Variants in SPTLC2 observed in about 807,000 individuals in gnomAD.
SPTLC2 encodes serine palmitoyltransferase 2.
A neutral mutation model predicts 62.0 loss-of-function variants in SPTLC2; 21 were observed. That is an observed-to-expected ratio of 0.34 (90% CI 0.24 to 0.49). The LOEUF (loss-of-function observed/expected upper bound fraction) is 0.49, where lower values mean the gene tolerates loss of function less well. Among genes scored for constraint, SPTLC2 ranks in the 20% least tolerant of loss-of-function variants. The pLI is 0.99. For missense variants in SPTLC2, 511 were observed against 713.0 expected (o/e 0.72, Z 3.23); for synonymous variants, 261 against 261.8 (o/e 1.00, Z 0.03).
At chr14:77,607,169 T>C (rs866111073) in intron 1 of SPTLC2, among the ~76,000 whole-genome samples, 22 of 152,238 alleles carry the variant, frequency 1.4e-4, no homozygotes, top group African/African-American at 5.1e-4. Flanking sequence ...TTATATTTAA[T>C]ATGTAAGACG....
At chr14:77,565,125 C>G (rs1490430870) in intron 5 of SPTLC2, among the ~76,000 whole-genome samples, 3 of 151,068 alleles carry the variant, frequency 2.0e-5, no homozygotes, top group Admixed American at 2.0e-4. Context: ...GCCTGTAATC[C>G]CAGCTACTCA....
At chr14:77,598,169 A>G (rs970857700) in intron 1 of SPTLC2, among the ~76,000 whole-genome samples, 1 of 151,926 alleles carries the variant, frequency 6.6e-6, no homozygotes, top group Non-Finnish European at 1.5e-5. Context: ...CAAATCTAAC[A>G]CTAAGAGATA....
intron 2 of SPTLC2, among the ~76,000 whole-genome samples, chr14:77,596,411 A>G (rs1168313418): frequency 2.7e-5 from 4 of 148,820 alleles, no homozygotes; most frequent in African/African-American, 9.9e-5. Context: ...GCTGAGGCAG[A>G]AGAATGGTGT....
chr14:77,616,017 C>G (rs1054899749), intron 1 of SPTLC2, among the ~76,000 whole-genome samples: 1 of 152,168 alleles, frequency 6.6e-6, no homozygotes, highest in Non-Finnish European at 1.5e-5. Flanking sequence ...TTCTTAAGGA[C>G]CCCATGGGTG....
intron 8 of SPTLC2, 127 bp from the exon 9 acceptor site, chr14:77,552,349 G>T: frequency 8.7e-7 from 1 of 1,151,092 alleles, no homozygotes; most frequent in Non-Finnish European, 1.3e-6. Context: ...ACTAATCTGA[G>T]ATACAAGGTC....
At chr14:77,611,564 G>T (rs1365326574) in intron 1 of SPTLC2, among the ~76,000 whole-genome samples, 1 of 151,970 alleles carries the variant, frequency 6.6e-6, no homozygotes, top group Non-Finnish European at 1.5e-5. Context: ...GGTGGCTCAC[G>T]CCTGTAATCC....
At chr14:77,523,102 T>C (rs1594969380) in intron 9 of SPTLC2, among the ~76,000 whole-genome samples, 3 of 152,152 alleles carry the variant, frequency 2.0e-5, no homozygotes, top group Non-Finnish European at 4.4e-5. Flanking sequence ...GACATTAAAG[T>C]GTGTTATATT....
At chr14:77,536,644 G>A (rs2079472624) in intron 9 of SPTLC2, among the ~76,000 whole-genome samples, 1 of 152,080 alleles carries the variant, frequency 6.6e-6, no homozygotes, top group Admixed American at 6.6e-5. Context: ...TTTTGTGGGA[G>A]GTGGGTCAAG....
chr14:77,517,914 C>T (rs1278193503), intron 11 of SPTLC2, 124 bp downstream of exon 11: 7 of 1,478,022 alleles, frequency 4.7e-6, no homozygotes, highest in South Asian at 4.7e-5. Context: ...TTTGGTAGCA[C>T]TGTCACCCCC....
intron 9 of SPTLC2, among the ~76,000 whole-genome samples, chr14:77,530,867 G>A (rs1196543827): frequency 1.3e-5 from 2 of 152,150 alleles, no homozygotes; most frequent in South Asian, 2.1e-4. Flanking sequence ...AGTATTTAAC[G>A]TAGGAATTTA....
Position 77,547,169 on chromosome 14 carries a change from C to G in SPTLC2, c.1303+4927G>C, listed in dbSNP as rs542807275. 7.1e-4 allele frequency among the ~76,000 whole-genome samples: 77 copies of G among 108,472 alleles called. No individual in the cohort carries two copies. The South Asian group carries it at 0.027, about 38-fold the overall frequency. 71.2% of individuals were successfully genotyped at this position (108,472 alleles called of 152,430 possible). On this transcript the variant is annotated intron_variant, in intron 9 of 11. Transcript: ENST00000216484. ...TGTGAGCCATCGCACCCGGCGGAAA[C>G]AAGTATTTTTTTTTTTTTTTCCAAA...
intron 10 of SPTLC2, among the ~76,000 whole-genome samples, chr14:77,518,759 G>C (rs191982522): frequency 8.5e-5 from 13 of 152,254 alleles, no homozygotes; most frequent in Non-Finnish European, 1.3e-4. Flanking sequence ...GCTGTAACAC[G>C]GCACATCTTT....
intron 4 of SPTLC2, among the ~76,000 whole-genome samples, chr14:77,572,843 C>T (rs1426395545): frequency 1.3e-5 from 2 of 152,202 alleles, no homozygotes; most frequent in Admixed American, 6.5e-5. Context: ...AGCTTCCTTA[C>T]CTCTTTCAGC....
chr14:77,521,450 T>C lies in SPTLC2; in HGVS notation c.1435A>G (p.Ile479Val). ...GTGATCTGCAACAAAACGTACCCAATTTTGGCAGGCATGTAGAGCATCAAA... is the reference window on the plus strand; with the variant it reads ...GTGATCTGCAACAAAACGTACCCAACTTTGGCAGGCATGTAGAGCATCAAA... Reference protein sequence around the residue: ...VPLMLYMPAKIGAFGREMLKR... With the variant: ...VPLMLYMPAKVGAFGREMLKR... The change falls in exon 10 of 12, where the codon ATT becomes GTT. Residue 479 changes from isoleucine to valine, a missense_variant. Transcript: ENST00000216484. 1 of 1,614,118 alleles carries C rather than the reference T, an allele frequency of 6.2e-7. No individual in the cohort carries two copies. The highest frequency in any genetic ancestry group is 8.5e-7 in the Non-Finnish European group (1 of 1,180,012).
intron 4 of SPTLC2, among the ~76,000 whole-genome samples, chr14:77,575,173 C>G (rs1411258711): frequency 1.3e-5 from 2 of 152,158 alleles, no homozygotes; most frequent in Non-Finnish European, 2.9e-5. Flanking sequence ...AGTGAGCTGA[C>G]TGCACCACCG....
chr14:77,611,455 C>T (rs1398260024), intron 1 of SPTLC2, among the ~76,000 whole-genome samples: 3 of 66,386 alleles, frequency 4.5e-5, no homozygotes, highest in African/African-American at 9.5e-5. Context: ...GACCCTATCT[C>T]GCCAAAAAAA....
At chr14:77,545,645 G>A (rs889206874) in intron 9 of SPTLC2, among the ~76,000 whole-genome samples, 2 of 152,134 alleles carry the variant, frequency 1.3e-5, no homozygotes, top group Admixed American at 1.3e-4. Flanking sequence ...CTGCTATAAA[G>A]TTGGGGAACA....
intron 1 of SPTLC2, among the ~76,000 whole-genome samples, chr14:77,600,635 G>A (rs985585359): frequency 1.1e-4 from 17 of 152,224 alleles, no homozygotes; most frequent in Admixed American, 7.2e-4. Context: ...ATAACATTTC[G>A]TATCAGTCTG....
chr14:77,571,303 G>A (rs1402866833), intron 4 of SPTLC2, among the ~76,000 whole-genome samples: 1 of 152,134 alleles, frequency 6.6e-6, no homozygotes, highest in East Asian at 1.9e-4. Flanking sequence ...CTAAGGTCAG[G>A]AGTTTGAGAC....
Sources: allele counts gnomAD v4.1 joint callset (sites outside exome capture counted in the v4.1 genomes callset), GRCh38; gene constraint gnomAD v4.1.1; transcripts MANE v1.5; gene names NCBI Gene and HGNC (gene_info 2026-07-23, HGNC 2026-07-21).